Variants in GPC6 observed in about 807,000 individuals in gnomAD.
The protein encoded by GPC6 is glypican 6.
Under a neutral mutation model 55.2 loss-of-function variants are expected in GPC6, and 14 were observed. The observed-to-expected ratio is 0.25, with a 90% CI of 0.17 to 0.40. The LOEUF is 0.40. Ranked by LOEUF, GPC6 falls within the 10% of genes least tolerant of loss-of-function variation. The pLI, the probability that GPC6 is intolerant of heterozygous loss-of-function variation, is 1.00. For missense variants in GPC6, 641 were observed against 708.5 expected (o/e 0.90, Z 1.08); for synonymous variants, 278 against 259.6 (o/e 1.07, Z -0.68).
intron 4 of GPC6, among the ~76,000 whole-genome samples, chr13:94,272,083 A>T (rs1005511216): frequency 3.9e-5 from 6 of 151,996 alleles, no homozygotes; most frequent in Non-Finnish European, 7.4e-5. Flanking sequence ...AAAATAATAA[A>T]ATATATATAT....
rs1404888790 is a variant in GPC6, at chr13:93,263,463, C to T, written c.160+35847C>T. ...GACTGCAACCTCTGCCTCGTGGGTT[C>T]AAGTGATTCTCCTCCTTCAGCCTCC... On this transcript the variant is annotated intron_variant, in intron 1 of 8. Transcript: ENST00000377047. 2.0e-5 allele frequency among the ~76,000 whole-genome samples: 3 copies of T among 152,082 alleles called. No individual in the cohort carries two copies. In the South Asian group the frequency reaches 6.2e-4, roughly 31 times the overall value.
At chr13:94,104,937 G>T (rs899488495) in intron 4 of GPC6, among the ~76,000 whole-genome samples, 13 of 152,090 alleles carry the variant, frequency 8.5e-5, no homozygotes, top group African/African-American at 2.9e-4. Context: ...AGCTATCAAT[G>T]ACTTTCTTCA....
intron 1 of GPC6, among the ~76,000 whole-genome samples, chr13:93,467,573 T>C (rs12869133): frequency 7.6e-6 from 1 of 132,018 alleles, no homozygotes; most frequent in African/African-American, 3.0e-5. Flanking sequence ...CAAGCTGTGA[T>C]TCTTTTTTTT....
In GPC6 at chr13:93,293,516, TAAGA is replaced by T. The variant is rs1878384293; in HGVS notation, c.160+65901_160+65904del. On this transcript the variant is annotated intron_variant, in intron 1 of 8. Coordinates refer to ENST00000377047, the MANE Select transcript of GPC6 (RefSeq NM_005708.5). Reference sequence around the variant, plus strand: ...ATTAAACTTGTGATTTGTGAAAATGTAAGATTATCTGAGTAATGGACAATTTCTA... The same window carrying T: ...ATTAAACTTGTGATTTGTGAAAATGTTTATCTGAGTAATGGACAATTTCTA... Among the ~76,000 whole-genome samples, 3 of 152,042 alleles carry T rather than the reference TAAGA, an allele frequency of 2.0e-5. No individual in the cohort carries two copies. In the East Asian group the frequency reaches 5.8e-4, roughly 30 times the overall value.
At chr13:94,018,035 A>T (rs950767194) in intron 3 of GPC6, among the ~76,000 whole-genome samples, 2 of 152,194 alleles carry the variant, frequency 1.3e-5, no homozygotes, top group Non-Finnish European at 2.9e-5. Flanking sequence ...TATATCATTG[A>T]ATATGATGTT....
intron 4 of GPC6, among the ~76,000 whole-genome samples, chr13:94,253,334 C>G (rs1250393210): frequency 6.6e-6 from 1 of 152,006 alleles, no homozygotes; most frequent in Admixed American, 6.6e-5. Context: ...ACATTGTGCC[C>G]CCTTCTCCAG....
At chr13:94,026,297 G>T (rs544116333) in intron 3 of GPC6, among the ~76,000 whole-genome samples, 2 of 152,220 alleles carry the variant, frequency 1.3e-5, no homozygotes, top group South Asian at 4.2e-4. Context: ...GTAAGGGATA[G>T]AATCATAGAG....
At chr13:94,026,978 C>T (rs1399962011) in intron 3 of GPC6, among the ~76,000 whole-genome samples, 1 of 152,118 alleles carries the variant, frequency 6.6e-6, no homozygotes, top group Admixed American at 6.5e-5. Flanking sequence ...GGGACCATAT[C>T]CTGTCTTAAA....
rs147216681 is a variant in GPC6 at position 94,386,109 on chromosome 13, C to T, written c.1289+3559C>T. 6.7e-3 allele frequency among the ~76,000 whole-genome samples: 1,011 copies of T among 151,250 alleles called. 10 individuals are homozygous for T. The highest frequency in any genetic ancestry group is 0.023 in the African/African-American group (957 of 41,246). ...GACTAGCCTGGGCAGCCTGTAATCC[C>T]AGCACTTTGGGAGGCCAAGGCGGGC... On this transcript the variant is annotated intron_variant, in intron 7 of 8. Coordinates refer to ENST00000377047, the MANE Select transcript of GPC6 (RefSeq NM_005708.5).
intron 2 of GPC6, among the ~76,000 whole-genome samples, chr13:93,721,377 T>C (rs897693373): frequency 1.3e-5 from 2 of 151,792 alleles, no homozygotes; most frequent in African/African-American, 2.4e-5. Flanking sequence ...AAGGAACAAC[T>C]TTATTTGCTT....
At chr13:94,363,773 A>G (rs1054274122) in intron 6 of GPC6, among the ~76,000 whole-genome samples, 1 of 152,220 alleles carries the variant, frequency 6.6e-6, no homozygotes, top group Non-Finnish European at 1.5e-5. Context: ...AACCCACAAC[A>G]GATTTTGAAA....
chr13:93,359,919 C>T (rs571241050), intron 1 of GPC6, among the ~76,000 whole-genome samples: 5 of 152,016 alleles, frequency 3.3e-5, no homozygotes, highest in South Asian at 2.1e-4. Context: ...AAAGTTAAAA[C>T]GTGTTGGAAG....
chr13:94,224,863 G>A (rs992089516), intron 4 of GPC6, among the ~76,000 whole-genome samples: 2 of 152,084 alleles, frequency 1.3e-5, no homozygotes, highest in Non-Finnish European at 2.9e-5. Context: ...CTGAATGACT[G>A]CCACCTCTTG....
chr13:93,790,486 T>G (rs1362364159), intron 2 of GPC6, among the ~76,000 whole-genome samples: 2 of 152,184 alleles, frequency 1.3e-5, no homozygotes, highest in African/African-American at 2.4e-5. Context: ...ATCAGATTTA[T>G]TATTGGTAAC....
chr13:93,372,431 G>T (rs553085777), intron 1 of GPC6, among the ~76,000 whole-genome samples: 1 of 152,280 alleles, frequency 6.6e-6, no homozygotes, highest in South Asian at 2.1e-4. Flanking sequence ...CAGGTTCTCA[G>T]CTGGATCTAC....
intron 2 of GPC6, among the ~76,000 whole-genome samples, chr13:93,687,266 C>A (rs1403437818): frequency 6.6e-6 from 1 of 152,142 alleles, no homozygotes; most frequent in Non-Finnish European, 1.5e-5. Flanking sequence ...CCCCTCATCT[C>A]TGAAGCCTTT....
At chr13:93,969,934 G>T (rs1189147002) in intron 3 of GPC6, among the ~76,000 whole-genome samples, 1 of 152,112 alleles carries the variant, frequency 6.6e-6, no homozygotes, top group Non-Finnish European at 1.5e-5. Flanking sequence ...ATTCCATTGT[G>T]TATGTGTACC....
intron 2 of GPC6, among the ~76,000 whole-genome samples, chr13:93,554,911 T>C (rs1426287637): frequency 6.6e-6 from 1 of 152,224 alleles, no homozygotes; most frequent in Non-Finnish European, 1.5e-5. Flanking sequence ...GCTATATTCA[T>C]TAAACGAACA....
chr13:93,948,686 C>T (rs1879120364), intron 3 of GPC6, among the ~76,000 whole-genome samples: 1 of 152,162 alleles, frequency 6.6e-6, no homozygotes, highest in Non-Finnish European at 1.5e-5. Flanking sequence ...GATAAGTAAA[C>T]ACTGTGCTTT....
Sources: allele counts gnomAD v4.1 joint callset (sites outside exome capture counted in the v4.1 genomes callset), GRCh38; gene constraint gnomAD v4.1.1; transcripts MANE v1.5; gene names NCBI Gene and HGNC (gene_info 2026-07-23, HGNC 2026-07-21).